The following RBKS variants were observed in gnomAD, a reference collection of about 807,000 sequenced individuals.
The protein encoded by RBKS is ribokinase.
Under a neutral mutation model 33.9 loss-of-function variants are expected in RBKS, and 33 were observed. The ratio of observed to expected loss-of-function variants is 0.97; its 90% confidence interval spans 0.74 to 1.30. RBKS has a LOEUF of 1.30. Ranked by LOEUF, RBKS falls within the 50% of genes most tolerant of loss-of-function variation. RBKS has a pLI of 0.00. For missense variants in RBKS, 361 were observed against 392.6 expected (o/e 0.92, Z 0.68); for synonymous variants, 125 against 143.0 (o/e 0.87, Z 0.90).
At chr2:27,797,264 G>A (rs1677683386) in intron 7 of RBKS, among the ~76,000 whole-genome samples, 1 of 152,234 alleles carries the variant, frequency 6.6e-6, no homozygotes, top group Non-Finnish European at 1.5e-5. Flanking sequence ...GTGCCCAGCT[G>A]AGGGCTGAGA....
At chr2:27,858,685 G>A in intron 1 of RBKS, 114 bp from the exon 2 acceptor site, 2 of 888,482 alleles carry the variant, frequency 2.3e-6, no homozygotes, top group Non-Finnish European at 3.4e-6. Context: ...TTAACAATTA[G>A]AACTATAAGC....
At chr2:27,866,702 C>T (rs1473081230) in intron 1 of RBKS, among the ~76,000 whole-genome samples, 1 of 152,092 alleles carries the variant, frequency 6.6e-6, no homozygotes, top group Non-Finnish European at 1.5e-5. Flanking sequence ...TCAGATATTG[C>T]ATTTTTCATT....
intron 7 of RBKS, among the ~76,000 whole-genome samples, chr2:27,816,602 TG>T (rs1678098746): frequency 6.6e-6 from 1 of 151,016 alleles, no homozygotes; most frequent in African/African-American, 2.5e-5. Flanking sequence ...TCTAAGGATA[TG>T]TGTTTTTTTG....
intron 5 of RBKS, among the ~76,000 whole-genome samples, chr2:27,840,327 T>TACACAC (rs544313433): frequency 0.071 from 8,354 of 117,516 alleles, 323 homozygotes; most frequent in East Asian, 0.14. Flanking sequence ...GATGATGCAT[T>TACACAC]ACACACACAC....
chr2:27,821,229 T>C (rs1446098836), intron 7 of RBKS, among the ~76,000 whole-genome samples: 1 of 152,132 alleles, frequency 6.6e-6, no homozygotes, highest in Non-Finnish European at 1.5e-5. Flanking sequence ...CTCACTGTTA[T>C]TTTAATGTGT....
intron 7 of RBKS, among the ~76,000 whole-genome samples, chr2:27,789,868 ATGTG>A (rs112593610): frequency 3.8e-3 from 504 of 131,092 alleles, no homozygotes; most frequent in South Asian, 0.012. Context: ...TGGCCAGCTG[ATGTG>A]TGTGTGTGTG....
intron 7 of RBKS, among the ~76,000 whole-genome samples, chr2:27,783,775 T>C (rs984300573): frequency 6.0e-5 from 9 of 150,668 alleles, no homozygotes; most frequent in East Asian, 2.0e-4. Flanking sequence ...GGCGAGGTGG[T>C]GGACGCCTGT....
chr2:27,802,175 C>T (rs1393659006), intron 7 of RBKS, among the ~76,000 whole-genome samples: 2 of 150,560 alleles, frequency 1.3e-5, no homozygotes, highest in Non-Finnish European at 3.0e-5. Flanking sequence ...AGAGAACTCA[C>T]TCACTATTTT....
chr2:27,784,032 G>C, intron 7 of RBKS, among the ~76,000 whole-genome samples: 1 of 96,904 alleles, frequency 1.0e-5, no homozygotes, highest in Non-Finnish European at 1.9e-5. Context: ...CGCCCAGGCT[G>C]GAGTGCAGTG....
intron 7 of RBKS, among the ~76,000 whole-genome samples, chr2:27,817,940 G>A (rs1349063445): frequency 6.6e-6 from 1 of 152,138 alleles, no homozygotes; most frequent in East Asian, 1.9e-4. Context: ...CTCAACACCT[G>A]GGGATTACAA....
At chr2:27,870,972 G>A (rs1183875028) in intron 1 of RBKS, 1 of 443,798 alleles carries the variant, frequency 2.3e-6, no homozygotes, top group Non-Finnish European at 4.6e-6. Flanking sequence ...GTATCACAGT[G>A]ACTCATTAAT....
chr2:27,841,359 C>T (rs1448756759), intron 5 of RBKS, among the ~76,000 whole-genome samples: 3 of 152,134 alleles, frequency 2.0e-5, no homozygotes, highest in Non-Finnish European at 2.9e-5. Flanking sequence ...AGAAGTTACA[C>T]GAGAATGTGC....
chr2:27,784,949 C>A (rs1677370642), intron 7 of RBKS, among the ~76,000 whole-genome samples: 1 of 152,134 alleles, frequency 6.6e-6, no homozygotes, highest in African/African-American at 2.4e-5. Context: ...GGCCTGAAAC[C>A]TGAGGAACTA....
chr2:27,787,353 G>A (rs1370498682), intron 7 of RBKS, among the ~76,000 whole-genome samples: 1 of 152,122 alleles, frequency 6.6e-6, no homozygotes, highest in Admixed American at 6.6e-5. Context: ...GATCACCTGA[G>A]CCCAGGGATG....
chr2:27,874,362 A>T (rs771137591), intron 1 of RBKS, among the ~76,000 whole-genome samples: 68 of 152,210 alleles, frequency 4.5e-4, no homozygotes, highest in Non-Finnish European at 4.1e-4. Context: ...GTCCTCACTT[A>T]GCTTACAGCT....
intron 7 of RBKS, among the ~76,000 whole-genome samples, chr2:27,796,714 T>A (rs762878551): frequency 7.9e-5 from 12 of 151,928 alleles, no homozygotes; most frequent in Non-Finnish European, 1.6e-4. Flanking sequence ...ATGACACTCA[T>A]GAGCAGCTGG....
At chr2:27,865,121 C>T (rs894310740) in intron 1 of RBKS, among the ~76,000 whole-genome samples, 4 of 152,146 alleles carry the variant, frequency 2.6e-5, no homozygotes, top group African/African-American at 9.7e-5. Flanking sequence ...GAGATCAAGA[C>T]CATCCTGGCT....
At chr2:27,864,253 C>A (rs1664044358) in intron 1 of RBKS, among the ~76,000 whole-genome samples, 1 of 151,910 alleles carries the variant, frequency 6.6e-6, no homozygotes, top group Non-Finnish European at 1.5e-5. Flanking sequence ...GAACTCCTGG[C>A]CTCAAGCAAT....
intron 1 of RBKS, among the ~76,000 whole-genome samples, chr2:27,887,170 G>A (rs1664551332): frequency 6.6e-6 from 1 of 152,218 alleles, no homozygotes; most frequent in Admixed American, 6.5e-5. Flanking sequence ...GGAGCCAGAA[G>A]ACTGGGGATC....
Sources: allele counts gnomAD v4.1 joint callset (sites outside exome capture counted in the v4.1 genomes callset), GRCh38; gene constraint gnomAD v4.1.1; transcripts MANE v1.5; gene names NCBI Gene and HGNC (gene_info 2026-07-23, HGNC 2026-07-21).